Variants in YAP1 observed in about 807,000 individuals in gnomAD.
YAP1 encodes Yes1 associated transcriptional regulator, also known as transcriptional coactivator YAP1.
YAP1 carries 5 observed loss-of-function variants against 56.9 expected under a neutral mutation model. The ratio of observed to expected loss-of-function variants is 0.09; its 90% confidence interval spans 0.05 to 0.18. The LOEUF (loss-of-function observed/expected upper bound fraction) is 0.18. Ranked by LOEUF, YAP1 falls within the 10% of genes least tolerant of loss-of-function variation. YAP1 has a pLI of 1.00. For missense variants in YAP1, 539 were observed against 651.8 expected (o/e 0.83, Z 1.88); for synonymous variants, 265 against 248.1 (o/e 1.07, Z -0.64).
chr11:102,148,131 GTT>G (rs1184319242), intron 2 of YAP1, among the ~76,000 whole-genome samples: 1 of 152,142 alleles, frequency 6.6e-6, no homozygotes, highest in Non-Finnish European at 1.5e-5. Flanking sequence ...CTTTTACTCT[GTT>G]TTAAAATTCT....
intron 2 of YAP1, among the ~76,000 whole-genome samples, chr11:102,133,576 C>T (rs2135245474): frequency 6.6e-6 from 1 of 152,326 alleles, no homozygotes; most frequent in African/African-American, 2.4e-5. Flanking sequence ...GGATTACAGG[C>T]ATAAGCCACC....
chr11:102,132,697 T>G (rs1944436755), intron 2 of YAP1, among the ~76,000 whole-genome samples: 1 of 152,258 alleles, frequency 6.6e-6, no homozygotes, highest in Admixed American at 6.5e-5. Context: ...TTTGGTAAAT[T>G]CAGCTTCATG....
At chr11:102,211,999 A>G (rs1346654454) in intron 6 of YAP1, among the ~76,000 whole-genome samples, 2 of 152,166 alleles carry the variant, frequency 1.3e-5, no homozygotes, top group East Asian at 1.9e-4. Context: ...CACCGCGCCC[A>G]GCCAGAAGAG....
intron 1 of YAP1, among the ~76,000 whole-genome samples, chr11:102,113,898 A>AG (rs1555076722): frequency 2.0e-5 from 3 of 152,132 alleles, no homozygotes; most frequent in Non-Finnish European, 4.4e-5. Context: ...AGTGTGGACC[A>AG]GGGGAAATTC....
At chr11:102,111,342 C>T (rs994024389) in intron 1 of YAP1, among the ~76,000 whole-genome samples, 173 bp downstream of exon 1, 109 of 152,172 alleles carry the variant, frequency 7.2e-4, no homozygotes, top group African/African-American at 2.6e-3. Flanking sequence ...GCCGCGGTGA[C>T]CAGCTCCCCA....
At chr11:102,190,953 G>A (rs1007557311) in intron 4 of YAP1, among the ~76,000 whole-genome samples, 11 of 151,394 alleles carry the variant, frequency 7.3e-5, no homozygotes, top group African/African-American at 2.7e-4. Flanking sequence ...GAGGCTGATG[G>A]ATCATGAGGT....
chr11:102,204,188 A>G (rs894997562), intron 4 of YAP1, among the ~76,000 whole-genome samples: 2 of 151,212 alleles, frequency 1.3e-5, no homozygotes, highest in Non-Finnish European at 1.5e-5. Flanking sequence ...GAAGCCAGGC[A>G]TTTGAGACCA....
At chr11:102,180,321 T>C (rs1275661000) in intron 3 of YAP1, among the ~76,000 whole-genome samples, 1 of 151,886 alleles carries the variant, frequency 6.6e-6, no homozygotes, top group Non-Finnish European at 1.5e-5. Context: ...AAATGGAAAA[T>C]GCAAAATATA....
chr11:102,206,991 G>A (rs969754712), intron 5 of YAP1, among the ~76,000 whole-genome samples: 2 of 152,074 alleles, frequency 1.3e-5, no homozygotes, highest in Non-Finnish European at 2.9e-5. Flanking sequence ...TCTTCCAGAA[G>A]GTACTGTTGG....
At chr11:102,215,944 A>G (rs1256229292) in intron 6 of YAP1, among the ~76,000 whole-genome samples, 1 of 152,182 alleles carries the variant, frequency 6.6e-6, no homozygotes, top group East Asian at 1.9e-4. Context: ...TAACAATATG[A>G]TATGTCTTTG....
chr11:102,139,983 C>G (rs1944913279), intron 2 of YAP1, among the ~76,000 whole-genome samples: 1 of 152,078 alleles, frequency 6.6e-6, no homozygotes, highest in Admixed American at 6.6e-5. Context: ...TTGGTATCAG[C>G]AAATGATGAA....
chr11:102,123,071 A>G (rs573280735), intron 2 of YAP1, among the ~76,000 whole-genome samples: 47 of 151,930 alleles, frequency 3.1e-4, no homozygotes, highest in African/African-American at 1.0e-3. Flanking sequence ...TATTTCTTGA[A>G]TTTTCATCAC....
intron 2 of YAP1, among the ~76,000 whole-genome samples, chr11:102,149,265 G>T (rs1466570173): frequency 6.6e-6 from 1 of 152,178 alleles, no homozygotes; most frequent in Non-Finnish European, 1.5e-5. Flanking sequence ...TCCTGAACAG[G>T]CATGTTTTGG....
chr11:102,115,236 A>G (rs1943205913), intron 2 of YAP1, among the ~76,000 whole-genome samples: 1 of 152,196 alleles, frequency 6.6e-6, no homozygotes, highest in Non-Finnish European at 1.5e-5. Flanking sequence ...GTTGACTAAA[A>G]CTAATTATGA....
chr11:102,207,793 T>G (rs1158271778), intron 5 of YAP1, among the ~76,000 whole-genome samples: 1 of 152,204 alleles, frequency 6.6e-6, no homozygotes, highest in African/African-American at 2.4e-5. Flanking sequence ...CTAGTGTGAT[T>G]GGCATCAAAG....
At chr11:102,176,889 A>G (rs1450705653) in intron 3 of YAP1, among the ~76,000 whole-genome samples, 1 of 151,976 alleles carries the variant, frequency 6.6e-6, no homozygotes, top group Non-Finnish European at 1.5e-5. Flanking sequence ...TGGGTACTGG[A>G]AAGACAGGAG....
chr11:102,127,364 T>A (rs1944094739), intron 2 of YAP1, among the ~76,000 whole-genome samples: 1 of 152,194 alleles, frequency 6.6e-6, no homozygotes, highest in Admixed American at 6.5e-5. Context: ...CTTGGTGCCC[T>A]GTGTCTCAGC....
chr11:102,222,268 A>C (rs186984458), intron 6 of YAP1, among the ~76,000 whole-genome samples: 9 of 152,312 alleles, frequency 5.9e-5, no homozygotes, highest in African/African-American at 2.2e-4. Context: ...TGTGATAAGA[A>C]ACTGTATGTA....
chr11:102,206,062 A>G lies in YAP1; in HGVS notation c.972A>G (p.Glu324=), dbSNP rs1387910791. 1.2e-6 allele frequency: 2 copies of G among 1,613,408 alleles called. No individual in the cohort carries two copies. The highest frequency in any genetic ancestry group is 8.5e-7 in the Non-Finnish European group (1 of 1,179,530). Residue 324 remains glutamate (E), a synonymous_variant, in exon 5 of 9, where the codon GAA becomes GAG. Coordinates refer to ENST00000282441, the MANE Select transcript of YAP1 (RefSeq NM_001130145.3). ...AGAGGCTGCGGCTGAAACAGCAAGA[A>G]CTGCTTCGGCAGGTGAGGCCACAGG... is the stretch of plus-strand genomic sequence containing the variant. ...EKERLRLKQQ[E]LLRQAMRNIN... is the part of the protein sequence containing the mutation.
Sources: gnomAD v4.1 joint callset for allele counts (sites outside exome capture counted in the v4.1 genomes callset) on GRCh38, gnomAD v4.1.1 for gene constraint, MANE v1.5 for transcripts, NCBI Gene and HGNC (gene_info 2026-07-23, HGNC 2026-07-21) for gene names.